Variants in RBM20 observed in about 807,000 individuals in gnomAD.
RBM20 encodes RNA binding motif protein 20.
A neutral mutation model predicts 110.1 loss-of-function variants in RBM20; 51 were observed. The observed-to-expected ratio is 0.46, with a 90% CI of 0.37 to 0.59. RBM20 has a LOEUF of 0.59. Ranked by LOEUF, RBM20 falls within the 20% of genes least tolerant of loss-of-function variation. RBM20 has a pLI of 0.00. For synonymous variants in RBM20, 589 were observed against 618.2 expected (o/e 0.95, Z 0.70); for missense variants, 1,512 against 1,574.9 (o/e 0.96, Z 0.68).
chr10:110,784,243 A>C, intron 3 of RBM20, 98 bp from the exon 4 acceptor site: 1 of 846,052 alleles, frequency 1.2e-6, no homozygotes. Context: ...GTTTTCAACT[A>C]TTTGGGGGTC....
At chr10:110,711,329 C>CAAAAAAAA (rs1157753270) in intron 1 of RBM20, among the ~76,000 whole-genome samples, 1 of 28,404 alleles carries the variant, frequency 3.5e-5, no homozygotes, top group Non-Finnish European at 5.8e-5. Context: ...GACTCCATCT[C>CAAAAAAAA]AAAAAAAAAA....
At chr10:110,752,577 C>T (rs904164516) in intron 1 of RBM20, among the ~76,000 whole-genome samples, 2 of 152,144 alleles carry the variant, frequency 1.3e-5, no homozygotes, top group African/African-American at 4.8e-5. Flanking sequence ...AAGAAGATTT[C>T]TGGATATAGA....
chr10:110,660,742 C>T (rs1862090972), intron 1 of RBM20, among the ~76,000 whole-genome samples: 1 of 151,544 alleles, frequency 6.6e-6, no homozygotes, highest in Admixed American at 6.6e-5. Context: ...CTCAGGGCTC[C>T]CACTGATTCT....
At position 110,807,323 on chromosome 10, in the gene RBM20, G is replaced by A. The variant is rs893298519; in HGVS notation, c.1801-3060G>A. ...AGTGACCCCAGGAGGAGGTTCTGTG[G>A]TTAAGAAAATAAGGGGCAGAGGAAT... On this transcript the variant is annotated intron_variant, in intron 7 of 13. Transcript: ENST00000369519. Among the ~76,000 whole-genome samples, 3 of 152,318 alleles carry A rather than the reference G, an allele frequency of 2.0e-5. No homozygotes were observed. In the East Asian group the frequency reaches 5.8e-4, roughly 29 times the overall value.
chr10:110,800,879 A>G (rs1159692655), intron 7 of RBM20, among the ~76,000 whole-genome samples: 1 of 152,158 alleles, frequency 6.6e-6, no homozygotes, highest in African/African-American at 2.4e-5. Flanking sequence ...TGTTATATAC[A>G]TTTCCATTGT....
chr10:110,743,907 T>A (rs1368162954), intron 1 of RBM20, among the ~76,000 whole-genome samples: 2 of 152,210 alleles, frequency 1.3e-5, no homozygotes, highest in Non-Finnish European at 2.9e-5. Context: ...TGAGCCACGG[T>A]GCCCAGCTGT....
rs1460594040 is a variant in RBM20, at chr10:110,728,113, C to T, written c.192-52688C>T. On this transcript the variant is annotated intron_variant, in intron 1 of 13. Coordinates refer to ENST00000369519, the MANE Select transcript of RBM20 (RefSeq NM_001134363.3). The stretch of plus-strand genomic sequence containing the variant: ...TGTAAATAGTGCTGTAATAAACATA[C>T]GTGTGCATGTGTCTTTATAGTAAAA... Among the ~76,000 whole-genome samples the T allele has an allele frequency of 4.6e-5, 7 of 152,150 alleles. No homozygotes were observed. In the South Asian group the frequency reaches 8.3e-4, roughly 18 times the overall value.
At chr10:110,767,222 C>G (rs1490539875) in intron 1 of RBM20, among the ~76,000 whole-genome samples, 9 of 131,934 alleles carry the variant, frequency 6.8e-5, no homozygotes, top group African/African-American at 2.6e-4. Flanking sequence ...GGCTGACCCC[C>G]CCACCTCCCT....
At chr10:110,707,996 C>T (rs1360440935) in intron 1 of RBM20, among the ~76,000 whole-genome samples, 2 of 152,062 alleles carry the variant, frequency 1.3e-5, no homozygotes, top group South Asian at 2.1e-4. Context: ...CACATGTACT[C>T]CACAAAGAGG....
chr10:110,789,527 G>A lies in RBM20; in HGVS notation c.1527+4638G>A, dbSNP rs147142799. Reference sequence around the variant, plus strand: ...GGCTGGAGTGCAGTGGCATGATCATGGCTTACTGTAATCTCCACCTCCTGG... The same window carrying A: ...GGCTGGAGTGCAGTGGCATGATCATAGCTTACTGTAATCTCCACCTCCTGG... On this transcript the variant is annotated intron_variant, in intron 5 of 13. Transcript: ENST00000369519. Among the ~76,000 whole-genome samples the A allele has an allele frequency of 2.8e-3, 423 of 151,590 alleles. 1 individual carries two copies. Among genetic ancestry groups the A allele is most frequent in the Non-Finnish European group, 4.7e-3 (316 of 67,888 alleles).
At chr10:110,645,235 G>A (rs529235911) in intron 1 of RBM20, among the ~76,000 whole-genome samples, 10 of 152,286 alleles carry the variant, frequency 6.6e-5, no homozygotes, top group African/African-American at 2.4e-4. Context: ...TGTGCGACTT[G>A]GGTCGTGAAT....
chr10:110,694,483 C>T (rs1862632576), intron 1 of RBM20, among the ~76,000 whole-genome samples: 1 of 152,176 alleles, frequency 6.6e-6, no homozygotes, highest in African/African-American at 2.4e-5. Flanking sequence ...TGTGCATGGC[C>T]TTGGAAACCT....
intron 1 of RBM20, among the ~76,000 whole-genome samples, chr10:110,659,959 G>A (rs868285597): frequency 2.6e-5 from 4 of 151,414 alleles, no homozygotes; most frequent in Non-Finnish European, 5.9e-5. Flanking sequence ...GGCTACAGGT[G>A]TGCACCACCA....
At chr10:110,754,227 G>A (rs1400310826) in intron 1 of RBM20, among the ~76,000 whole-genome samples, 4 of 152,114 alleles carry the variant, frequency 2.6e-5, no homozygotes, top group African/African-American at 7.2e-5. Context: ...GTCTAAGTAT[G>A]ATCCCTTTTA....
chr10:110,696,036 T>C (rs1158372183), intron 1 of RBM20, among the ~76,000 whole-genome samples: 1 of 152,196 alleles, frequency 6.6e-6, no homozygotes, highest in Non-Finnish European at 1.5e-5. Context: ...GAATGCAAAT[T>C]CTCAGGCCCT....
upstream of RBM20, among the ~76,000 whole-genome samples, chr10:110,643,460 C>T (rs1259633725): frequency 6.6e-6 from 1 of 152,230 alleles, no homozygotes; most frequent in Non-Finnish European, 1.5e-5. Context: ...GGTGGACGGG[C>T]GCACGCGGGC....
chr10:110,806,379 A>C (rs1292178373), intron 7 of RBM20, among the ~76,000 whole-genome samples: 1 of 152,200 alleles, frequency 6.6e-6, no homozygotes, highest in Non-Finnish European at 1.5e-5. Flanking sequence ...GGCCTCAGAA[A>C]ACTTACAGTC....
At chr10:110,720,997 G>A (rs145717500) in intron 1 of RBM20, among the ~76,000 whole-genome samples, 5 of 152,080 alleles carry the variant, frequency 3.3e-5, no homozygotes, top group East Asian at 3.9e-4. Context: ...TATGACCTTC[G>A]CTCCCTGCTG....
chr10:110,679,859 C>G (rs116771880), intron 1 of RBM20, among the ~76,000 whole-genome samples: 5 of 152,206 alleles, frequency 3.3e-5, no homozygotes, highest in Non-Finnish European at 7.3e-5. Flanking sequence ...AGACCCAGCA[C>G]ACAGATGGCC....
Sources: gnomAD v4.1 joint callset for allele counts (sites outside exome capture counted in the v4.1 genomes callset) on GRCh38, gnomAD v4.1.1 for gene constraint, MANE v1.5 for transcripts, NCBI Gene and HGNC (gene_info 2026-07-23, HGNC 2026-07-21) for gene names.